Variants in SETD5 observed in about 807,000 individuals in gnomAD.
SETD5 encodes histone-lysine N-methyltransferase SETD5.
Under a neutral mutation model 153.3 loss-of-function variants are expected in SETD5, and 44 were observed. That is an observed-to-expected ratio of 0.29 (90% CI 0.23 to 0.37). The LOEUF (loss-of-function observed/expected upper bound fraction) is 0.37, where lower values mean the gene tolerates loss of function less well. SETD5 is among the 10% of genes least tolerant of loss of function. The pLI is 1.00. For synonymous variants in SETD5, 716 were observed against 645.2 expected (o/e 1.11, Z -1.66); for missense variants, 1,544 against 1,768.0 (o/e 0.87, Z 2.27).
chr3:9,464,571 C>T lies in SETD5; in HGVS notation c.2623C>T (p.His875Tyr). ...SPQLATPGSS[H>Y]PGEEECRNGY... is the part of the protein sequence containing the mutation. ...CCAGCTGGCCACACCTGGCTCATCT[C>T]ACCCAGGAGAAGAGGAGTGTCGAAA... is the stretch of plus-strand genomic sequence containing the variant. The change falls in exon 18 of 23, where the codon CAC (histidine) becomes TAC (tyrosine). Residue 875 changes from histidine (H) to tyrosine (Y), a missense_variant. By Grantham distance (83) the His-to-Tyr change is moderately conservative (BLOSUM62 2). Coordinates refer to ENST00000402198, the MANE Select transcript of SETD5 (RefSeq NM_001080517.3). The T allele has an allele frequency of 6.2e-7, 1 of 1,614,004 alleles. No individual in the cohort carries two copies. Among genetic ancestry groups the T allele is most frequent in the Non-Finnish European group, 8.5e-7 (1 of 1,179,892 alleles).
Position 9,464,422 on chromosome 3 carries a change from C to T in SETD5, c.2477-3C>T. ...ACTCTCATCCAAGCTTTGTGTTTCA[C>T]AGACTTGTTGAGCCCATTAAAGAAA... On this transcript the variant is annotated splice_polypyrimidine_tract_variant and splice_region_variant and intron_variant, in intron 17 of 22. Transcript: ENST00000402198. The T allele has an allele frequency of 6.2e-7, 1 of 1,603,708 alleles. No homozygotes were observed. The highest frequency in any genetic ancestry group is 8.5e-7 in the Non-Finnish European group (1 of 1,171,602).
chr3:9,442,367 T>C (rs1292229759), intron 10 of SETD5, 122 bp downstream of exon 10: 1 of 721,442 alleles, frequency 1.4e-6, no homozygotes, highest in Non-Finnish European at 2.3e-6. Context: ...TATTTCATCG[T>C]GGGAGGTGAA....
chr3:9,430,165 C>T (rs1352852812), intron 3 of SETD5: 2 of 1,007,952 alleles, frequency 2.0e-6, no homozygotes, highest in African/African-American at 3.5e-5. Context: ...GAATGACATC[C>T]CTGATTAATA....
chr3:9,457,190 TTAA>T lies in SETD5; in HGVS notation c.2476+3329_2476+3331del, dbSNP rs372992705. Among the ~76,000 whole-genome samples the T allele has an allele frequency of 3.1e-3, 469 of 151,710 alleles. 1 individual carries two copies. The highest frequency in any genetic ancestry group is 0.01 in the African/African-American group (423 of 41,352). On this transcript the variant is annotated intron_variant, in intron 17 of 22. Transcript: ENST00000402198. ...AAGTAATCAGCTGAAAAACTTAGAA[TTAA>T]TAATAAGAGTTTAGGCCAGGCGTGG...
At chr3:9,415,581 T>C (rs1373310010) in intron 1 of SETD5, among the ~76,000 whole-genome samples, 1 of 152,166 alleles carries the variant, frequency 6.6e-6, no homozygotes. Flanking sequence ...TATTTTATTA[T>C]TATTATTTTT....
chr3:9,457,812 A>G (rs552564854), intron 17 of SETD5, among the ~76,000 whole-genome samples: 1 of 149,948 alleles, frequency 6.7e-6, no homozygotes, highest in South Asian at 2.1e-4. Context: ...AAGAATATAT[A>G]TATGTGTATA....
At chr3:9,401,510 C>G (rs970278064) in intron 1 of SETD5, among the ~76,000 whole-genome samples, 1 of 152,134 alleles carries the variant, frequency 6.6e-6, no homozygotes, top group Non-Finnish European at 1.5e-5. Context: ...CAGGAACTGA[C>G]TTTCTGAAAT....
Position 9,445,673 on chromosome 3 carries a change from A to G in SETD5, c.1457A>G (p.Glu486Gly). The change falls in exon 13 of 23, where the codon GAA becomes GGA. Residue 486 changes from glutamate to glycine, a missense_variant. Physicochemically the swap from Glu to Gly is moderately conservative, Grantham distance 98. Around this residue, in one of 9 missense-constraint regions of SETD5, gnomAD observed 782 missense variants for 787.2 expected, o/e 0.99. Coordinates refer to ENST00000402198, the MANE Select transcript of SETD5 (RefSeq NM_001080517.3). The part of the protein sequence containing the change: ...SSDHEEVDNP[E>G]EKPEEEKEEV... ...ATCTTAAAGGAAGTAGACAATCCAG[A>G]AGAAAAACCAGAAGAAGAGAAAGAA... 6.2e-7 allele frequency: 1 copy of G among 1,613,660 alleles called. No homozygotes were observed. Among genetic ancestry groups the G allele is most frequent in the Non-Finnish European group, 8.5e-7 (1 of 1,179,704 alleles).
intron 2 of SETD5, among the ~76,000 whole-genome samples, chr3:9,427,750 T>C (rs1280631470): frequency 6.6e-6 from 1 of 152,104 alleles, no homozygotes; most frequent in Admixed American, 6.6e-5. Context: ...TTGACTTTAT[T>C]CCCCCCCAAA....
rs2040290327 is a variant in SETD5 at position 9,434,119 on chromosome 3, A to G, written c.177+169A>G. ...GCCCTGCATCATTGTTCTTGTTTTT[A>G]TGTCCCAGTTGACCTTGGCATTTTG... On this transcript the variant is annotated intron_variant, in intron 4 of 22. Transcript: ENST00000402198. The surrounding 1 kb of genome is among the most constrained non-coding windows in gnomAD (Gnocchi z 5.6). 3 of 1,551,886 alleles carry G rather than the reference A, an allele frequency of 1.9e-6. No individual in the cohort carries two copies. Among genetic ancestry groups the G allele is most frequent in the Non-Finnish European group, 1.7e-6 (2 of 1,150,282 alleles).
intron 1 of SETD5, among the ~76,000 whole-genome samples, chr3:9,413,649 GGTGTGTGTGTGTGT>G (rs1160123997): frequency 4.3e-5 from 6 of 140,366 alleles, no homozygotes; most frequent in East Asian, 2.0e-4. Context: ...GGGGAGGCGG[GGTGTGTGTGTGTGT>G]GTGTGTGTGT....
At chr3:9,461,659 A>G (rs1469874421) in intron 17 of SETD5, among the ~76,000 whole-genome samples, 2 of 152,226 alleles carry the variant, frequency 1.3e-5, no homozygotes, top group African/African-American at 4.8e-5. Context: ...CTCTTGTTGA[A>G]TACAGTATCA....
chr3:9,407,697 T>C (rs2035925005), intron 1 of SETD5, among the ~76,000 whole-genome samples: 1 of 152,172 alleles, frequency 6.6e-6, no homozygotes, highest in Non-Finnish European at 1.5e-5. Context: ...CTTGTGAAAA[T>C]TAATTTTAAA....
intron 2 of SETD5, among the ~76,000 whole-genome samples, chr3:9,425,188 A>C (rs972630181): frequency 3.3e-5 from 5 of 150,848 alleles, no homozygotes; most frequent in Non-Finnish European, 7.4e-5. Context: ...CAGCCTCCCA[A>C]GTAGCTGGGA....
At chr3:9,408,276 A>G (rs1364153438) in intron 1 of SETD5, among the ~76,000 whole-genome samples, 2 of 152,090 alleles carry the variant, frequency 1.3e-5, no homozygotes. Flanking sequence ...CTGAACCCCC[A>G]TTTCCAAATG....
chr3:9,456,181 A>G (rs1177385385), intron 17 of SETD5, among the ~76,000 whole-genome samples: 4 of 148,148 alleles, frequency 2.7e-5, no homozygotes, highest in Admixed American at 2.0e-4. Flanking sequence ...TGATGTTACT[A>G]GAAGTCTCTG....
At chr3:9,464,307 A>G in intron 17 of SETD5, 118 bp from the exon 18 acceptor site, 1 of 1,399,670 alleles carries the variant, frequency 7.1e-7, no homozygotes, top group Non-Finnish European at 9.7e-7. Flanking sequence ...GAGATAACTT[A>G]ATGGGATGAG....
chr3:9,417,236 T>C (rs532028073), intron 1 of SETD5, among the ~76,000 whole-genome samples: 1 of 152,278 alleles, frequency 6.6e-6, no homozygotes, highest in South Asian at 2.1e-4. Context: ...TAATGCTACC[T>C]TGAAATCATA....
chr3:9,453,700 G>T (rs760453155), intron 16 of SETD5, 39 bp from the exon 17 acceptor site: 13 of 1,546,726 alleles, frequency 8.4e-6, no homozygotes, highest in Non-Finnish European at 1.1e-5. Context: ...AATAGTTTTA[G>T]ATAATTATTG....
Sources: gnomAD v4.1 joint callset for allele counts (sites outside exome capture counted in the v4.1 genomes callset) on GRCh38, gnomAD v4.1.1 for gene constraint, gnomAD v4.1.1 regional missense constraint, Gnocchi (gnomAD v3.1) non-coding constraint, MANE v1.5 for transcripts, NCBI Gene and HGNC (gene_info 2026-07-23, HGNC 2026-07-21) for gene names.